CDH7: variants seen among roughly 807,000 people sequenced by gnomAD.
CDH7 encodes the protein cadherin 7.
Under a neutral mutation model 71.8 loss-of-function variants are expected in CDH7, and 25 were observed. The ratio of observed to expected loss-of-function variants is 0.35; its 90% CI spans 0.25 to 0.49. CDH7 has a LOEUF of 0.49. Ranked by LOEUF, CDH7 falls within the 20% of genes least tolerant of loss-of-function variation. The pLI is 0.99. For synonymous variants in CDH7, 381 were observed against 363.8 expected, an observed-to-expected ratio of 1.05 and a Z score of -0.54; for missense variants, 862 against 974.6, an observed-to-expected ratio of 0.88 and a Z score of 1.54.
At chr18:65,752,210 A>G (rs9962520) in intron 1 of CDH7, among the ~76,000 whole-genome samples, 2,200 of 152,384 alleles carry the variant, frequency 0.014, 71 homozygotes, top group African/African-American at 0.051. Flanking sequence ...AGAGAAGTAG[A>G]TAAACATAAC....
chr18:65,834,281 G>C (rs1025754683), intron 6 of CDH7, among the ~76,000 whole-genome samples: 1 of 152,170 alleles, frequency 6.6e-6, no homozygotes, highest in African/African-American at 2.4e-5. Flanking sequence ...TTGGTGCACT[G>C]TAATAGCAAG....
chr18:65,801,109 G>A (rs1485955213), intron 2 of CDH7, among the ~76,000 whole-genome samples: 1 of 152,136 alleles, frequency 6.6e-6, no homozygotes, highest in Admixed American at 6.6e-5. Context: ...CATGAAGGCG[G>A]GGGTTACTTG....
rs1555692661 is a variant in CDH7 at position 65,885,372 on chromosome 18, G to GTTTTTTTTCTTTTTTTTTTTTTTT, written c.*4486_*4487insCTTTTTTTTTTTTTTTTTTTTTTT. ...GTAACTGAAAAGGATGTGTGCCTGTGTTTTTTTTTTTTTTTTTTTTTTTGA... is the reference window on the plus strand; with the variant it reads ...GTAACTGAAAAGGATGTGTGCCTGTGTTTTTTTTCTTTTTTTTTTTTTTTTTTTTTTTTTTTTTTTTTTTTTTGA... On this transcript the variant is annotated 3_prime_UTR_variant, in exon 12 of 12. Coordinates refer to ENST00000397968, the MANE Select transcript of CDH7 (RefSeq NM_004361.5). 6.2e-4 allele frequency: 43 copies of GTTTTTTTTCTTTTTTTTTTTTTTT among 69,446 alleles called. 7 individuals are homozygous for GTTTTTTTTCTTTTTTTTTTTTTTT. Among genetic ancestry groups the GTTTTTTTTCTTTTTTTTTTTTTTT allele is most frequent in the Middle Eastern group, 0.016 (1 of 62 alleles). The allele number at this position is 69,446 out of a possible 1,614,324, so 4.3% of individuals were successfully genotyped here.
chr18:65,820,207 C>G (rs988210558), intron 4 of CDH7, among the ~76,000 whole-genome samples: 4 of 149,354 alleles, frequency 2.7e-5, no homozygotes, highest in Non-Finnish European at 5.9e-5. Context: ...GATGATATAG[C>G]TATAGAAAAA....
At chr18:65,828,666 G>A (rs952263919) in intron 6 of CDH7, among the ~76,000 whole-genome samples, 4 of 152,040 alleles carry the variant, frequency 2.6e-5, no homozygotes, top group Admixed American at 1.3e-4. Flanking sequence ...GGCTGTGTCG[G>A]TGGTGGTTCT....
At chr18:65,824,535 T>C in intron 5 of CDH7, 109 bp from the exon 6 acceptor site, 1 of 610,546 alleles carries the variant, frequency 1.6e-6, no homozygotes. Flanking sequence ...TATATTTTAT[T>C]AAAAAATAAA....
chr18:65,866,766 T>C (rs75819429), intron 11 of CDH7, among the ~76,000 whole-genome samples: 50 of 152,306 alleles, frequency 3.3e-4, no homozygotes, highest in East Asian at 2.9e-3. Context: ...TCTTTATCTC[T>C]ATCTGTATTC....
At chr18:65,804,958 TTTTTG>T (rs1040145653) in intron 2 of CDH7, among the ~76,000 whole-genome samples, 1 of 152,170 alleles carries the variant, frequency 6.6e-6, no homozygotes, top group East Asian at 1.9e-4. Context: ...TACAGGATGT[TTTTTG>T]TTTTGTTTTA....
At chr18:65,853,682 T>C (rs1439436144) in intron 7 of CDH7, among the ~76,000 whole-genome samples, 1 of 151,776 alleles carries the variant, frequency 6.6e-6, no homozygotes, top group Non-Finnish European at 1.5e-5. Flanking sequence ...TGACAAAGTG[T>C]CCCATCTCAT....
rs913403126 is a variant in CDH7, at chr18:65,884,242, T to C, written c.*3348T>C. The C allele has an allele frequency of 2.6e-5, 4 of 152,144 alleles. No homozygotes were observed. The highest frequency in any genetic ancestry group is 9.7e-5 in the African/African-American group (4 of 41,440). The allele number at this position is 152,144 out of a possible 1,614,324, so 9.4% of individuals were successfully genotyped here. ...TTATCAATCTCAATTCACAAATTAG[T>C]CTCTGAAAGAAATATTCCAAGATCA... On this transcript the variant is annotated 3_prime_UTR_variant, in exon 12 of 12. Transcript: ENST00000397968.
chr18:65,831,695 A>G (rs1283057984), intron 6 of CDH7, among the ~76,000 whole-genome samples: 1 of 152,126 alleles, frequency 6.6e-6, no homozygotes, highest in Non-Finnish European at 1.5e-5. Context: ...AGAACAATAA[A>G]TGAGTCCCCT....
At chr18:65,857,772 A>G in intron 7 of CDH7, 44 bp from the exon 8 acceptor site, 1 of 1,589,466 alleles carries the variant, frequency 6.3e-7, no homozygotes, top group Non-Finnish European at 8.6e-7. Flanking sequence ...ATTATAATCA[A>G]ACGTACATGT....
chr18:65,790,272 G>A (rs1910666130), intron 2 of CDH7, among the ~76,000 whole-genome samples: 1 of 151,254 alleles, frequency 6.6e-6, no homozygotes, highest in African/African-American at 2.4e-5. Flanking sequence ...TCTATGTGGA[G>A]GTGTGCATGC....
At position 65,804,699 on chromosome 18, in the gene CDH7, C is replaced by CGTGTGTGTGTGTGTGTGTGT. The variant is rs56242508; in HGVS notation, c.211-4998_211-4979dup. Among the ~76,000 whole-genome samples, 623 of 148,802 alleles carry CGTGTGTGTGTGTGTGTGTGT rather than the reference C, an allele frequency of 4.2e-3. 1 individual carries two copies. Among genetic ancestry groups the CGTGTGTGTGTGTGTGTGTGT allele is most frequent in the African/African-American group, 0.013 (536 of 40,514 alleles). ...CACGTTTCAACCCTCCCTTAACACA[C>CGTGTGTGTGTGTGTGTGTGT]GTGTGTGTGTGTGTGTGTGTGTGTG... On this transcript the variant is annotated intron_variant, in intron 2 of 11. Transcript: ENST00000397968.
At chr18:65,843,578 T>G (rs1912813832) in intron 6 of CDH7, among the ~76,000 whole-genome samples, 1 of 152,174 alleles carries the variant, frequency 6.6e-6, no homozygotes, top group Non-Finnish European at 1.5e-5. Flanking sequence ...TGTCTGTCTG[T>G]GCAGCGTATA....
intron 2 of CDH7, among the ~76,000 whole-genome samples, chr18:65,801,397 G>C (rs1292839479): frequency 6.6e-6 from 1 of 152,168 alleles, no homozygotes; most frequent in Non-Finnish European, 1.5e-5. Flanking sequence ...CAGCTAAAGG[G>C]ACACTTTTAA....
chr18:65,793,581 TA>T (rs372983285), intron 2 of CDH7, among the ~76,000 whole-genome samples: 254 of 152,226 alleles, frequency 1.7e-3, no homozygotes, highest in African/African-American at 5.9e-3. Flanking sequence ...AAAAATTAGG[TA>T]AAGATTTATT....
intron 2 of CDH7, among the ~76,000 whole-genome samples, chr18:65,798,162 A>C (rs1910983666): frequency 6.6e-6 from 1 of 152,078 alleles, no homozygotes; most frequent in Non-Finnish European, 1.5e-5. Flanking sequence ...TGAATTCTTC[A>C]TGCTCTTGGG....
chr18:65,810,039 T>C lies in CDH7; in HGVS notation c.505+41T>C, dbSNP rs1300625844. 3 of 1,512,718 alleles carry C rather than the reference T, an allele frequency of 2.0e-6. No individual in the cohort carries two copies. The African/African-American group carries it at 4.2e-5, about 21-fold the overall frequency. 93.7% of individuals were successfully genotyped at this position (1,512,718 alleles called of 1,614,324 possible). On this transcript the variant is annotated intron_variant, in intron 3 of 11. Transcript: ENST00000397968. The stretch of plus-strand genomic sequence containing the variant: ...TCTGCTTTTGTAGCTTGTGGCCGAT[T>C]TGGGGAGATTTGTATTTAAAATTAA...
Sources: allele counts gnomAD v4.1 joint callset (sites outside exome capture counted in the v4.1 genomes callset), GRCh38; gene constraint gnomAD v4.1.1; transcripts MANE v1.5; gene names NCBI Gene and HGNC (gene_info 2026-07-23, HGNC 2026-07-21).